MYH13: variants seen among roughly 807,000 people sequenced by gnomAD.
MYH13 encodes myosin heavy chain 13.
A neutral mutation model predicts 232.1 loss-of-function variants in MYH13; 177 were observed. The ratio of observed to expected loss-of-function variants is 0.76; its 90% CI spans 0.67 to 0.86. The LOEUF (loss-of-function observed/expected upper bound fraction) is 0.86. Among genes scored for constraint, MYH13 ranks in the 40% least tolerant of loss-of-function variants. MYH13 has a pLI of 0.00. For synonymous variants in MYH13, 884 were observed against 923.5 expected, an observed-to-expected ratio of 0.96 and a Z score of 0.78; for missense variants, 2,246 against 2,405.9, an observed-to-expected ratio of 0.93 and a Z score of 1.39.
intron 12 of MYH13, among the ~76,000 whole-genome samples, chr17:10,349,593 G>T (rs2071694210): frequency 1.3e-5 from 2 of 151,992 alleles, no homozygotes; most frequent in African/African-American, 4.8e-5. Context: ...GGCACCCAAG[G>T]TGTGCCCCCT....
chr17:10,317,229 C>G lies in MYH13; in HGVS notation c.3739-1204G>C, dbSNP rs193267614. Among the ~76,000 whole-genome samples the G allele has an allele frequency of 2.0e-5, 3 of 152,082 alleles. No homozygotes were observed. In the East Asian group the frequency reaches 5.8e-4, roughly 29 times the overall value. Reference sequence around the variant, plus strand: ...ACCCCTGCAGGCTGGCCTGGCTCGCCGAGAGAGAGGTGTGGGAGGGGAACA... The same window carrying G: ...ACCCCTGCAGGCTGGCCTGGCTCGCGGAGAGAGAGGTGTGGGAGGGGAACA... On this transcript the variant is annotated intron_variant, in intron 27 of 40. Coordinates refer to ENST00000252172, the MANE Select transcript of MYH13 (RefSeq NM_003802.3).
At chr17:10,330,548 TG>T (rs1190658830) in intron 20 of MYH13, 25 bp from the exon 21 acceptor site, 1 of 1,588,630 alleles carries the variant, frequency 6.3e-7, no homozygotes, top group African/African-American at 1.3e-5. Context: ...AGAGGAGCCT[TG>T]ATCTTTTTCC....
chr17:10,347,651 C>T (rs1436226972), intron 12 of MYH13, among the ~76,000 whole-genome samples: 1 of 150,398 alleles, frequency 6.6e-6, no homozygotes, highest in Non-Finnish European at 1.5e-5. Flanking sequence ...TGAGAAGGAC[C>T]TGGGGGCCTG....
chr17:10,330,312 G>A, intron 21 of MYH13, 75 bp downstream of exon 21: 1 of 1,571,502 alleles, frequency 6.4e-7, no homozygotes, highest in Non-Finnish European at 8.7e-7. Flanking sequence ...GAAATCCCAA[G>A]ACTAAAAGCA....
intron 11 of MYH13, among the ~76,000 whole-genome samples, chr17:10,354,456 G>A (rs1369273086): frequency 6.6e-6 from 1 of 152,214 alleles, no homozygotes; most frequent in East Asian, 1.9e-4. Flanking sequence ...CTGAAGGCCT[G>A]CTTTGGTGAA....
At chr17:10,346,137 C>G (rs1819137331) in intron 13 of MYH13, among the ~76,000 whole-genome samples, 1 of 151,934 alleles carries the variant, frequency 6.6e-6, no homozygotes, top group Admixed American at 6.6e-5. Context: ...TGAGAACTAT[C>G]CTATTCACAA....
intron 8 of MYH13, 29 bp downstream of exon 8, chr17:10,357,706 G>A: frequency 1.9e-6 from 3 of 1,599,070 alleles, no homozygotes; most frequent in African/African-American, 1.3e-5. Context: ...GCTTTTGGGA[G>A]GATACTTGAA....
chr17:10,330,256 C>T (rs1166232687), intron 21 of MYH13, 131 bp downstream of exon 21: 2 of 1,310,520 alleles, frequency 1.5e-6, no homozygotes, highest in African/African-American at 1.5e-5. Flanking sequence ...GATTGCCGCT[C>T]AGTAGATGTG....
chr17:10,354,898 T>G lies in MYH13; in HGVS notation c.898A>C (p.Ile300Leu), dbSNP rs1032042958. 5.0e-6 allele frequency: 8 copies of G among 1,598,188 alleles called. No individual in the cohort carries two copies. The East Asian group carries it at 1.8e-4, about 36-fold the overall frequency. ...QIMSNKKPELIDLLLISTNPF... is the reference protein window; with the variant it reads ...QIMSNKKPELLDLLLISTNPF... ...GAAAGGTATTCCAAGAGCTTACCAA[T>G]TAGTTCTGGCTTCTTGTTTGACATA... is the stretch of plus-strand genomic sequence containing the variant. The change falls in exon 10 of 41, where the codon ATT becomes CTT. Residue 300 changes from isoleucine to leucine, a missense_variant. By Grantham distance (5) the Ile-to-Leu change is conservative (BLOSUM62 2). Coordinates refer to ENST00000252172, the MANE Select transcript of MYH13 (RefSeq NM_003802.3).
chr17:10,323,918 G>A, intron 23 of MYH13, 104 bp downstream of exon 23: 3 of 1,446,902 alleles, frequency 2.1e-6, no homozygotes, highest in Non-Finnish European at 2.8e-6. Context: ...TCATTTCTGG[G>A]CAATGTTATA....
chr17:10,302,552 A>C (rs532063830), intron 39 of MYH13, among the ~76,000 whole-genome samples: 21 of 152,174 alleles, frequency 1.4e-4, no homozygotes, highest in African/African-American at 4.8e-4. Context: ...TTCCCAAACG[A>C]TCTCTTTTCT....
At chr17:10,340,041 G>T in intron 18 of MYH13, 109 bp downstream of exon 18, 2 of 903,816 alleles carry the variant, frequency 2.2e-6, no homozygotes, top group Non-Finnish European at 3.4e-6. Flanking sequence ...ACTACTTTCA[G>T]AAGTGATACA....
intron 24 of MYH13, 59 bp downstream of exon 24, chr17:10,321,473 C>A: frequency 6.6e-7 from 1 of 1,522,982 alleles, no homozygotes; most frequent in South Asian, 1.2e-5. Context: ...GTTAGACTGT[C>A]TCTTGTCTGT....
chr17:10,349,059 C>T (rs1180945110), intron 12 of MYH13, among the ~76,000 whole-genome samples: 2 of 149,266 alleles, frequency 1.3e-5, no homozygotes, highest in Non-Finnish European at 3.0e-5. Flanking sequence ...CCTTCCCTTC[C>T]TTTCCCTTCC....
At chr17:10,362,684 T>C (rs559456281) in intron 3 of MYH13, among the ~76,000 whole-genome samples, 181 bp from the exon 4 acceptor site, 1 of 152,178 alleles carries the variant, frequency 6.6e-6, no homozygotes. Flanking sequence ...AAGAATCTGA[T>C]TCTGGTCAAA....
At chr17:10,314,811 C>T (rs1906641797) in intron 29 of MYH13, among the ~76,000 whole-genome samples, 2 of 152,196 alleles carry the variant, frequency 1.3e-5, no homozygotes, top group African/African-American at 4.8e-5. Context: ...CTGCTAGGCA[C>T]AGTAGGTACA....
intron 37 of MYH13, among the ~76,000 whole-genome samples, chr17:10,305,639 C>T (rs1319976971): frequency 6.6e-6 from 1 of 152,150 alleles, no homozygotes; most frequent in Non-Finnish European, 1.5e-5. Flanking sequence ...GGACAAGAGA[C>T]ATTCGAACAG....
In MYH13 at chr17:10,306,482, GCTT is replaced by G; in HGVS notation, c.5440_5442del (p.Lys1814del). ...ACCCGGTTCTCCAGTTTCTGGATCT[GCTT>G]CTTCCCGCCCTTCAGCGCCAGTTGT... On this transcript the variant is annotated inframe_deletion, in exon 37 of 41. Coordinates refer to ENST00000252172, the MANE Select transcript of MYH13 (RefSeq NM_003802.3). The surrounding 1 kb of genome is among the most constrained non-coding windows in gnomAD (Gnocchi z 4.3). 1 of 1,614,126 alleles carries G rather than the reference GCTT, an allele frequency of 6.2e-7. No homozygotes were observed.
intron 39 of MYH13, among the ~76,000 whole-genome samples, chr17:10,302,928 G>T (rs1401110721): frequency 6.6e-6 from 1 of 151,958 alleles, no homozygotes; most frequent in African/African-American, 2.4e-5. Context: ...GCTCTAGGGG[G>T]TGTCAAGTGA....
Sources: allele counts gnomAD v4.1 joint callset (sites outside exome capture counted in the v4.1 genomes callset), GRCh38; gene constraint gnomAD v4.1.1; non-coding constraint Gnocchi (gnomAD v3.1); transcripts MANE v1.5; gene names NCBI Gene and HGNC (gene_info 2026-07-23, HGNC 2026-07-21).